DSCAML1: variants seen among roughly 807,000 people sequenced by gnomAD.
DSCAML1 encodes the protein DS cell adhesion molecule like 1.
Under a neutral mutation model 200.5 loss-of-function variants are expected in DSCAML1, and 38 were observed. That is an observed-to-expected ratio of 0.19 (90% CI 0.15 to 0.25). The LOEUF is 0.25. DSCAML1 is among the 10% of genes least tolerant of loss of function. The pLI is 1.00. For synonymous variants in DSCAML1, 1,215 were observed against 1,165.0 expected, an observed-to-expected ratio of 1.04 and a Z score of -0.87; for missense variants, 2,223 against 2,858.8, an observed-to-expected ratio of 0.78 and a Z score of 5.07.
chr11:117,674,979 C>T (rs769627043), intron 3 of DSCAML1, among the ~76,000 whole-genome samples: 14 of 152,134 alleles, frequency 9.2e-5, no homozygotes, highest in Non-Finnish European at 1.5e-4. Flanking sequence ...CAGAGAGTGG[C>T]GTGCTTAAGA....
rs1226456913 is a variant in DSCAML1, at chr11:117,577,487, T to C, written c.512-44965A>G. ...CTTCCTTCCTTCCTTCCTTCCTTCC[T>C]TCCTTCCTTCCTTCCTTCCCTCCTT... On this transcript the variant is annotated intron_variant, in intron 3 of 32. Coordinates refer to ENST00000651296, the MANE Select transcript of DSCAML1 (RefSeq NM_020693.4). Among the ~76,000 whole-genome samples, 23 of 39,046 alleles carry C rather than the reference T, an allele frequency of 5.9e-4. No homozygotes were observed. In the South Asian group the frequency reaches 9.2e-3, roughly 16 times the overall value. The allele number at this position is 39,046 out of a possible 152,430, so 25.6% of individuals were successfully genotyped here.
At chr11:117,593,389 G>T (rs1260136276) in intron 3 of DSCAML1, among the ~76,000 whole-genome samples, 1 of 152,238 alleles carries the variant, frequency 6.6e-6, no homozygotes, top group African/African-American at 2.4e-5. Flanking sequence ...GGTCACTCAG[G>T]TGGTACCTCA....
At chr11:117,513,767 T>C (rs933444629) in intron 8 of DSCAML1, among the ~76,000 whole-genome samples, 3 of 150,008 alleles carry the variant, frequency 2.0e-5, no homozygotes, top group Non-Finnish European at 4.4e-5. Context: ...AAAAAGTCCA[T>C]TTTCCTGGGC....
chr11:117,481,847 G>A, intron 12 of DSCAML1, 116 bp downstream of exon 12: 1 of 1,155,278 alleles, frequency 8.7e-7, no homozygotes, highest in South Asian at 1.4e-5. Flanking sequence ...ACATTTTTGG[G>A]GTGTGGGGAG....
At chr11:117,542,304 AAACAAAAC>A (rs1292667901) in intron 3 of DSCAML1, among the ~76,000 whole-genome samples, 3 of 102,868 alleles carry the variant, frequency 2.9e-5, no homozygotes, top group African/African-American at 6.4e-5. Context: ...CAAAAAAACA[AAACAAAAC>A]AAAACAAAAC....
chr11:117,618,825 C>T (rs2051865545), intron 3 of DSCAML1, among the ~76,000 whole-genome samples: 1 of 152,110 alleles, frequency 6.6e-6, no homozygotes, highest in African/African-American at 2.4e-5. Flanking sequence ...TGTTAAGCGG[C>T]CCAAGACCAG....
intron 3 of DSCAML1, among the ~76,000 whole-genome samples, chr11:117,636,225 C>T (rs1161336640): frequency 6.6e-6 from 1 of 152,082 alleles, no homozygotes. Context: ...TACATTGCAT[C>T]GAATTACATC....
At chr11:117,551,022 CT>C (rs1417063160) in intron 3 of DSCAML1, among the ~76,000 whole-genome samples, 4 of 152,210 alleles carry the variant, frequency 2.6e-5, no homozygotes, top group Non-Finnish European at 5.9e-5. Context: ...CAGCCATGGG[CT>C]GGGGGCAGGG....
chr11:117,577,927 T>C (rs1258923102), intron 3 of DSCAML1, among the ~76,000 whole-genome samples: 2 of 151,632 alleles, frequency 1.3e-5, no homozygotes, highest in Non-Finnish European at 2.9e-5. Context: ...TTGACCCCTC[T>C]TGCCTATTAA....
At chr11:117,800,715 T>C (rs1455424822), upstream of DSCAML1, 1 of 152,188 alleles carries the variant, frequency 6.6e-6, no homozygotes, top group African/African-American at 2.4e-5. Context: ...GTTTTTGTTT[T>C]TTTTAAACAA....
intron 3 of DSCAML1, among the ~76,000 whole-genome samples, chr11:117,556,743 C>T (rs1319621361): frequency 1.3e-5 from 2 of 152,172 alleles, no homozygotes; most frequent in African/African-American, 4.8e-5. Flanking sequence ...TCCTTGGCCT[C>T]CCAGTGAGGG....
At chr11:117,549,641 T>C (rs609353) in intron 3 of DSCAML1, among the ~76,000 whole-genome samples, 97,017 of 152,132 alleles carry the variant, frequency 0.64, 31,603 homozygotes, top group East Asian at 0.84. Context: ...ATTGCTCTCA[T>C]GATTATGACT....
At chr11:117,453,006 C>A (rs531500867) in intron 19 of DSCAML1, among the ~76,000 whole-genome samples, 9 of 151,892 alleles carry the variant, frequency 5.9e-5, no homozygotes, top group Non-Finnish European at 1.5e-5. Flanking sequence ...TCTCGGCTCA[C>A]TCACTGCAAC....
chr11:117,604,622 G>A (rs1225104937), intron 3 of DSCAML1, among the ~76,000 whole-genome samples: 3 of 152,220 alleles, frequency 2.0e-5, no homozygotes, highest in African/African-American at 4.8e-5. Flanking sequence ...CTCAGATGGG[G>A]CGGTCCAAGC....
intron 3 of DSCAML1, among the ~76,000 whole-genome samples, chr11:117,669,120 C>T (rs1415743682): frequency 6.6e-6 from 1 of 152,218 alleles, no homozygotes; most frequent in African/African-American, 2.4e-5. Context: ...CCTCTTGCTG[C>T]AGGTGTACCA....
intron 3 of DSCAML1, among the ~76,000 whole-genome samples, chr11:117,557,604 C>T (rs147566520): frequency 8.7e-4 from 133 of 152,370 alleles, no homozygotes; most frequent in Non-Finnish European, 1.4e-3. Context: ...CATTTTCTGT[C>T]TCCATCTTGA....
chr11:117,760,233 T>C (rs1040186041), intron 3 of DSCAML1, among the ~76,000 whole-genome samples: 2 of 152,236 alleles, frequency 1.3e-5, no homozygotes, highest in African/African-American at 4.8e-5. Flanking sequence ...GAGACCCATG[T>C]TTCTTTTGGC....
chr11:117,488,110 A>G (rs1236553349), intron 11 of DSCAML1, among the ~76,000 whole-genome samples: 2 of 152,160 alleles, frequency 1.3e-5, no homozygotes, highest in African/African-American at 4.8e-5. Flanking sequence ...GAGGCAGGGA[A>G]TCCTCTTCCC....
At chr11:117,718,602 G>C (rs1413516425) in intron 3 of DSCAML1, among the ~76,000 whole-genome samples, 1 of 143,906 alleles carries the variant, frequency 6.9e-6, no homozygotes, top group Admixed American at 7.4e-5. Context: ...TCAGGAAGGT[G>C]TATGACCAAA....
Sources: allele counts gnomAD v4.1 joint callset (sites outside exome capture counted in the v4.1 genomes callset), GRCh38; gene constraint gnomAD v4.1.1; transcripts MANE v1.5; gene names NCBI Gene and HGNC (gene_info 2026-07-23, HGNC 2026-07-21).